Variants in PDE1A observed in about 807,000 individuals in gnomAD.
The protein encoded by PDE1A is phosphodiesterase 1A, also known as dual specificity calcium/calmodulin-dependent 3',5'-cyclic nucleotide phosphodiesterase 1A.
In PDE1A, 35 loss-of-function variants were observed where a neutral mutation model predicts 61.7. That is an observed-to-expected ratio of 0.57 (90% CI 0.43 to 0.75). The LOEUF is 0.75. Among genes scored for constraint, PDE1A ranks in the 30% least tolerant of loss-of-function variants. The pLI, the probability that PDE1A is intolerant of heterozygous loss-of-function variation, is 0.00. For missense variants in PDE1A, 597 were observed against 630.6 expected (o/e 0.95, Z 0.57); for synonymous variants, 232 against 213.2 (o/e 1.09, Z -0.77).
At chr2:182,146,990 C>T (rs750582182), downstream of PDE1A, 70 of 830,026 alleles carry the variant, frequency 8.4e-5, no homozygotes, top group Middle Eastern at 2.3e-3. Flanking sequence ...ATTCTGCAAA[C>T]CATTTACTTT....
intron 1 of PDE1A, among the ~76,000 whole-genome samples, chr2:182,364,465 G>GAAAAAAAAAAAAAAA (rs1699697812): frequency 7.7e-5 from 1 of 12,940 alleles, no homozygotes; most frequent in Non-Finnish European, 1.6e-4. Flanking sequence ...GAACACTTTG[G>GAAAAAAAAAAAAAAA]TAAAAAAAAA....
chr2:182,329,405 T>G (rs1697257594), intron 1 of PDE1A, among the ~76,000 whole-genome samples: 1 of 152,162 alleles, frequency 6.6e-6, no homozygotes, highest in Admixed American at 6.5e-5. Context: ...ATTTTTTTTT[T>G]GGAGATGGAG....
At chr2:182,489,409 T>A (rs1688236557) in intron 2 of PDE1A, among the ~76,000 whole-genome samples, 1 of 152,240 alleles carries the variant, frequency 6.6e-6, no homozygotes, top group African/African-American at 2.4e-5. Context: ...TCTAGCTTCC[T>A]CTGTAAAAGG....
intron 1 of PDE1A, among the ~76,000 whole-genome samples, chr2:182,396,147 G>A (rs1211420332): frequency 6.6e-6 from 1 of 152,236 alleles, no homozygotes; most frequent in Non-Finnish European, 1.5e-5. Context: ...ATGGCCTCAT[G>A]TGGAGCTGAC....
chr2:182,272,119 G>A (rs1440503653), intron 1 of PDE1A, among the ~76,000 whole-genome samples: 1 of 152,032 alleles, frequency 6.6e-6, no homozygotes, highest in Non-Finnish European at 1.5e-5. Flanking sequence ...GCCGGTTTGG[G>A]AGATCTAATA....
intron 1 of PDE1A, among the ~76,000 whole-genome samples, chr2:182,401,179 C>A (rs1056615178): frequency 2.0e-4 from 30 of 152,248 alleles, no homozygotes; most frequent in African/African-American, 7.2e-4. Flanking sequence ...TTTATGATGC[C>A]AGCATCATCC....
the PDE1A span, among the ~76,000 whole-genome samples, chr2:182,641,221 G>A: frequency 6.6e-6 from 1 of 151,920 alleles, no homozygotes; most frequent in African/African-American, 2.4e-5. Flanking sequence ...GAGGAGAAGT[G>A]GGAAGAAGAA....
At chr2:182,142,092 G>T (rs375088882), downstream of PDE1A, 2 of 150,788 alleles carry the variant, frequency 1.3e-5, no homozygotes, top group Non-Finnish European at 2.9e-5. Context: ...GTACAGAAAA[G>T]TGTGGGTTTT....
intron 10 of PDE1A, among the ~76,000 whole-genome samples, chr2:182,198,539 A>G (rs56869577): frequency 0.18 from 26,601 of 151,716 alleles, 2,487 homozygotes; most frequent in East Asian, 0.31. Context: ...CAGTTTTTAT[A>G]ATTAATGTCT....
intron 2 of PDE1A, among the ~76,000 whole-genome samples, chr2:182,433,788 T>C (rs1036324734): frequency 1.3e-5 from 2 of 152,082 alleles, no homozygotes; most frequent in African/African-American, 4.8e-5. Context: ...CTCAAAACCC[T>C]GACCTTTGGC....
the PDE1A span, among the ~76,000 whole-genome samples, chr2:182,572,646 G>T: frequency 0.01 from 1,544 of 152,080 alleles, 10 homozygotes; most frequent in Non-Finnish European, 0.017. Flanking sequence ...TGAGGCGGGC[G>T]GATCACGAGG....
At chr2:182,686,352 A>T in the PDE1A span, among the ~76,000 whole-genome samples, 9 of 152,192 alleles carry the variant, frequency 5.9e-5, no homozygotes, top group South Asian at 1.0e-3. Context: ...CTTGTAATAC[A>T]TTGTTAAATT....
At chr2:182,182,096 A>C (rs1278263136) in intron 13 of PDE1A, among the ~76,000 whole-genome samples, 1 of 152,194 alleles carries the variant, frequency 6.6e-6, no homozygotes, top group African/African-American at 2.4e-5. Flanking sequence ...TATGCACAAA[A>C]GTCTCTCTGG....
chr2:182,317,720 CCT>C (rs1696433055), intron 1 of PDE1A, among the ~76,000 whole-genome samples: 1 of 151,936 alleles, frequency 6.6e-6, no homozygotes, highest in South Asian at 2.1e-4. Context: ...GGGGCAGGGA[CCT>C]AGGAACAATG....
In PDE1A at chr2:182,353,415, G is replaced by T. The variant is rs377478366; in HGVS notation, c.53+73163C>A. Among the ~76,000 whole-genome samples, 89 of 152,180 alleles carry T rather than the reference G, an allele frequency of 5.8e-4. 1 individual carries two copies. The highest frequency in any genetic ancestry group is 2.1e-3 in the African/African-American group (86 of 41,544). On this transcript the variant is annotated intron_variant, in intron 1 of 13. Coordinates refer to ENST00000351439, the Ensembl canonical transcript of PDE1A. ...CTAACTCTTTCACCTCTATTCTGAGGTATAAACAAAAAACAGTTCACTAAC... is the reference window on the plus strand; with the variant it reads ...CTAACTCTTTCACCTCTATTCTGAGTTATAAACAAAAAACAGTTCACTAAC...
At chr2:182,655,332 G>A in the PDE1A span, among the ~76,000 whole-genome samples, 1 of 152,036 alleles carries the variant, frequency 6.6e-6, no homozygotes, top group South Asian at 2.1e-4. Context: ...ATCCTAGCAG[G>A]GCATTATGAT....
At chr2:182,700,300 G>A in the PDE1A span, among the ~76,000 whole-genome samples, 494 of 152,264 alleles carry the variant, frequency 3.2e-3, 2 homozygotes, top group African/African-American at 0.011. Context: ...GGCCGGGCGC[G>A]GTGGCTCACG....
chr2:182,695,678 A>G, the PDE1A span, among the ~76,000 whole-genome samples: 7 of 92,314 alleles, frequency 7.6e-5, no homozygotes, highest in Admixed American at 2.0e-4. Flanking sequence ...AAAAAAAAAA[A>G]AAAAAAAGAA....
the PDE1A span, among the ~76,000 whole-genome samples, chr2:182,585,981 C>G: frequency 1.7e-3 from 261 of 152,156 alleles, no homozygotes; most frequent in African/African-American, 6.0e-3. Context: ...CATGTGTAAA[C>G]TGTAATCAAA....
Sources: allele counts gnomAD v4.1 joint callset (sites outside exome capture counted in the v4.1 genomes callset), GRCh38; gene constraint gnomAD v4.1.1; transcripts MANE v1.5; gene names NCBI Gene and HGNC (gene_info 2026-07-23, HGNC 2026-07-21).